The following GLCCI1 variants were observed in gnomAD, a reference collection of about 807,000 sequenced individuals.
GLCCI1 encodes glucocorticoid-induced transcript 1 protein.
A neutral mutation model predicts 52.2 loss-of-function variants in GLCCI1; 24 were observed. The ratio of observed to expected loss-of-function variants is 0.46; its 90% CI spans 0.33 to 0.65. The LOEUF is 0.65. Ranked by LOEUF, GLCCI1 falls within the 30% of genes least tolerant of loss-of-function variation. The pLI, the probability that GLCCI1 is intolerant of heterozygous loss-of-function variation, is 0.02. For synonymous variants in GLCCI1, 310 were observed against 276.5 expected, an observed-to-expected ratio of 1.12 and a Z score of -1.20; for missense variants, 704 against 701.5, an observed-to-expected ratio of 1.00 and a Z score of -0.04.
intron 3 of GLCCI1, among the ~76,000 whole-genome samples, chr7:8,052,245 A>C (rs1247570293): frequency 6.6e-6 from 1 of 152,190 alleles, no homozygotes; most frequent in Admixed American, 6.5e-5. Context: ...TGGTGCCTTA[A>C]TGCTTGCTCA....
intron 3 of GLCCI1, 66 bp from the exon 4 acceptor site, chr7:8,055,367 A>T (rs1782361722): frequency 3.2e-6 from 3 of 933,018 alleles, no homozygotes; most frequent in African/African-American, 3.3e-5. Context: ...AAAACTGAAG[A>T]AATAAATATA....
Position 7,969,874 on chromosome 7 carries a change from C to A in GLCCI1, c.457+67C>A. Reference sequence around the variant, plus strand: ...CCGACGGTGCCCTCCGTGGAAACTTCAGCCTCTTCGGGCTTCTCTTTGCTA... The same window carrying A: ...CCGACGGTGCCCTCCGTGGAAACTTAAGCCTCTTCGGGCTTCTCTTTGCTA... On this transcript the variant is annotated intron_variant, in intron 1 of 7. Transcript: ENST00000223145. The surrounding 1 kb of genome is among the most constrained non-coding windows in gnomAD (Gnocchi z 4.9). The A allele has an allele frequency of 7.9e-7, 1 of 1,271,194 alleles. No homozygotes were observed. Among genetic ancestry groups the A allele is most frequent in the Non-Finnish European group, 1.0e-6 (1 of 995,298 alleles). 78.7% of individuals were successfully genotyped at this position (1,271,194 alleles called of 1,614,324 possible).
At chr7:7,973,953 A>C (rs568917374) in intron 1 of GLCCI1, among the ~76,000 whole-genome samples, 1 of 152,042 alleles carries the variant, frequency 6.6e-6, no homozygotes, top group African/African-American at 2.4e-5. Context: ...TCTTTCTATA[A>C]AGTTTTATTC....
At chr7:8,076,713 C>T (rs1247598206) in intron 6 of GLCCI1, among the ~76,000 whole-genome samples, 1 of 152,116 alleles carries the variant, frequency 6.6e-6, no homozygotes, top group Non-Finnish European at 1.5e-5. Context: ...ATATATTTCA[C>T]TTAATTGTTT....
intron 3 of GLCCI1, among the ~76,000 whole-genome samples, chr7:8,025,512 A>C (rs1304100106): frequency 6.6e-6 from 1 of 152,218 alleles, no homozygotes; most frequent in African/African-American, 2.4e-5. Flanking sequence ...ATAAGTCAAT[A>C]GAATTTATAT....
intron 2 of GLCCI1, among the ~76,000 whole-genome samples, chr7:8,017,549 C>T (rs765429492): frequency 6.6e-5 from 10 of 152,106 alleles, no homozygotes; most frequent in Non-Finnish European, 1.3e-4. Flanking sequence ...GCTTTTCTAA[C>T]ATGTGATGAT....
chr7:7,977,936 T>A (rs1472435487), intron 1 of GLCCI1, among the ~76,000 whole-genome samples: 2 of 152,194 alleles, frequency 1.3e-5, no homozygotes, highest in African/African-American at 4.8e-5. Context: ...GGAACCCAGT[T>A]AGTTATGGGG....
chr7:8,002,619 AT>A (rs1562423400), intron 1 of GLCCI1, among the ~76,000 whole-genome samples: 1 of 152,188 alleles, frequency 6.6e-6, no homozygotes, highest in Non-Finnish European at 1.5e-5. Flanking sequence ...ATGTATTCTG[AT>A]TTCAGGAAGG....
In GLCCI1 at chr7:8,041,596, C is replaced by T. The variant is rs531700536; in HGVS notation, c.697-13837C>T. Among the ~76,000 whole-genome samples, 5 of 152,152 alleles carry T rather than the reference C, an allele frequency of 3.3e-5. No individual in the cohort carries two copies. In the East Asian group the frequency reaches 9.6e-4, roughly 29 times the overall value. ...GGCTGACTCTCTTGTTAGGAGCTTG[C>T]TTTTTTTCTTTTTTTCGAGACAAGG... On this transcript the variant is annotated intron_variant, in intron 3 of 7. Coordinates refer to ENST00000223145, the MANE Select transcript of GLCCI1 (RefSeq NM_138426.4).
intron 5 of GLCCI1, 33 bp from the exon 6 acceptor site, chr7:8,070,888 G>C (rs779892478): frequency 8.3e-6 from 13 of 1,568,456 alleles, no homozygotes; most frequent in Non-Finnish European, 1.1e-5. Flanking sequence ...ATATGCACCA[G>C]CATTTGGATG....
chr7:7,972,322 T>A (rs866015460), intron 1 of GLCCI1, among the ~76,000 whole-genome samples: 33 of 150,754 alleles, frequency 2.2e-4, no homozygotes, highest in African/African-American at 7.8e-4. Context: ...CACTTCAGTG[T>A]ATGTGTGTGT....
chr7:8,071,739 TTC>T (rs1439554022), intron 6 of GLCCI1, among the ~76,000 whole-genome samples: 1 of 152,190 alleles, frequency 6.6e-6, no homozygotes, highest in Non-Finnish European at 1.5e-5. Context: ...CCTGGGTTCT[TTC>T]TGTTTCTAGC....
chr7:7,975,728 TTTTCTCCA>T (rs1273651986), intron 1 of GLCCI1, among the ~76,000 whole-genome samples: 1 of 152,172 alleles, frequency 6.6e-6, no homozygotes, highest in Non-Finnish European at 1.5e-5. Context: ...GATTGGCCAT[TTTTCTCCA>T]TTTCTTTCTT....
At chr7:8,069,634 A>G (rs1782709632) in intron 5 of GLCCI1, among the ~76,000 whole-genome samples, 1 of 152,134 alleles carries the variant, frequency 6.6e-6, no homozygotes, top group African/African-American at 2.4e-5. Flanking sequence ...TAGCAGTGCA[A>G]GTAAAGCCCT....
intron 1 of GLCCI1, chr7:7,981,077 G>C (rs1038978076): frequency 4.2e-6 from 2 of 473,586 alleles, no homozygotes; most frequent in South Asian, 1.6e-5. Context: ...GAGATGGTGG[G>C]AGACCTACCT....
chr7:8,011,872 G>A (rs200289103), intron 2 of GLCCI1, among the ~76,000 whole-genome samples: 1 of 152,064 alleles, frequency 6.6e-6, no homozygotes. Flanking sequence ...CAGGAATGCA[G>A]TGGCACTATC....
At chr7:8,008,561 T>G (rs971368837) in intron 2 of GLCCI1, among the ~76,000 whole-genome samples, 1 of 152,124 alleles carries the variant, frequency 6.6e-6, no homozygotes, top group African/African-American at 2.4e-5. Flanking sequence ...TCCCAGAGTG[T>G]TGGGATTACA....
intron 5 of GLCCI1, among the ~76,000 whole-genome samples, chr7:8,061,945 G>C (rs1175438862): frequency 6.6e-6 from 1 of 152,046 alleles, no homozygotes; most frequent in Non-Finnish European, 1.5e-5. Flanking sequence ...TGGATTACAG[G>C]CATGAGCCAC....
At chr7:7,975,988 A>G (rs1780461818) in intron 1 of GLCCI1, among the ~76,000 whole-genome samples, 1 of 152,164 alleles carries the variant, frequency 6.6e-6, no homozygotes, top group African/African-American at 2.4e-5. Flanking sequence ...AACTGATGGA[A>G]GCTTCAGGAA....
Sources: gnomAD v4.1 joint callset for allele counts (sites outside exome capture counted in the v4.1 genomes callset) on GRCh38, gnomAD v4.1.1 for gene constraint, Gnocchi (gnomAD v3.1) non-coding constraint, MANE v1.5 for transcripts, NCBI Gene and HGNC (gene_info 2026-07-23, HGNC 2026-07-21) for gene names.